Variants in LMO3 observed in about 807,000 individuals in gnomAD.
LMO3 encodes the protein LIM domain only 3.
In LMO3, 2 loss-of-function variants were observed where a neutral mutation model predicts 15.8. The ratio of observed to expected loss-of-function variants is 0.13; its 90% confidence interval spans 0.05 to 0.40. LMO3 has a LOEUF of 0.40. Ranked by LOEUF, LMO3 falls within the 10% of genes least tolerant of loss-of-function variation. LMO3 has a pLI of 0.99. For synonymous variants in LMO3, 62 were observed against 63.8 expected (o/e 0.97, Z 0.13); for missense variants, 86 against 182.2 (o/e 0.47, Z 3.04).
At chr12:16,573,426 CGT>C (rs1301974670) in intron 2 of LMO3, 1 of 152,074 alleles carries the variant, frequency 6.6e-6, no homozygotes, top group Non-Finnish European at 1.5e-5. Context: ...TATTTGAACG[CGT>C]GTGTGCGTGT....
chr12:16,594,732 A>G (rs1043816293), intron 2 of LMO3, among the ~76,000 whole-genome samples: 3 of 151,660 alleles, frequency 2.0e-5, no homozygotes, highest in Non-Finnish European at 4.4e-5. Flanking sequence ...GAGGCAGAAA[A>G]TGGAACTACA....
At chr12:16,554,007 A>AT (rs1942090746) in intron 3 of LMO3, among the ~76,000 whole-genome samples, 1 of 152,184 alleles carries the variant, frequency 6.6e-6, no homozygotes. Flanking sequence ...AGTTCAATTA[A>AT]TTTTACCCTC....
intron 2 of LMO3, among the ~76,000 whole-genome samples, chr12:16,588,011 G>A (rs112754727): frequency 5.3e-5 from 8 of 152,090 alleles, no homozygotes; most frequent in Non-Finnish European, 7.4e-5. Context: ...TTTCTCTTAC[G>A]ACTTCTTTCC....
chr12:16,579,031 C>G (rs1295193675), intron 2 of LMO3, among the ~76,000 whole-genome samples: 1 of 152,110 alleles, frequency 6.6e-6, no homozygotes, highest in Non-Finnish European at 1.5e-5. Context: ...CAGACTGTAT[C>G]ATTGCAAATA....
In LMO3 at chr12:16,585,557, A is replaced by G. The variant is rs2137573639; in HGVS notation, c.206+15098T>C. Among the ~76,000 whole-genome samples the G allele has an allele frequency of 6.6e-6, 1 of 152,220 alleles. No homozygotes were observed. The highest frequency in any genetic ancestry group is 1.9e-4 in the East Asian group (1 of 5,176). On this transcript the variant is annotated intron_variant, in intron 2 of 3. Coordinates refer to ENST00000537304, the MANE Select transcript of LMO3 (RefSeq NM_018640.5). This position sits in a 1 kb window ranked among gnomAD's most constrained non-coding sequence, Gnocchi z 4.7. ...TTCATCACAATCTCCCCTTTCCTAA[A>G]TTCCTCTCACTCAGCTATCTGAGCA...
intron 2 of LMO3, among the ~76,000 whole-genome samples, chr12:16,578,440 T>G (rs1211787229): frequency 6.6e-6 from 1 of 152,152 alleles, no homozygotes; most frequent in Non-Finnish European, 1.5e-5. Flanking sequence ...AAGAAGCAGT[T>G]GTGCTCTCTT....
In LMO3 at chr12:16,570,241, C is replaced by T. The variant is rs189985100; in HGVS notation, c.207-9703G>A. Among the ~76,000 whole-genome samples the T allele has an allele frequency of 5.4e-3, 821 of 152,168 alleles. 6 individuals are homozygous for T. Among genetic ancestry groups the T allele is most frequent in the Non-Finnish European group, 7.0e-3 (475 of 67,976 alleles). ...GGTGAAACTTTTTATGTAAGTAATACTTTCCTAAAAATCGGCATTGAAGTC... is the reference window on the plus strand; with the variant it reads ...GGTGAAACTTTTTATGTAAGTAATATTTTCCTAAAAATCGGCATTGAAGTC... On this transcript the variant is annotated intron_variant, in intron 2 of 3. Transcript: ENST00000537304.
In LMO3 at chr12:16,562,331, A is replaced by T. The variant is rs961307545; in HGVS notation, c.207-1793T>A. On this transcript the variant is annotated intron_variant, in intron 2 of 3. Coordinates refer to ENST00000537304, the MANE Select transcript of LMO3 (RefSeq NM_018640.5). ...TTTTGAGAAATAAGAAAAACTTAAA[A>T]GTTCTTTATTCAATGAATATAGATA... Among the ~76,000 whole-genome samples the T allele has an allele frequency of 2.6e-5, 4 of 152,328 alleles. No homozygotes were observed. In the East Asian group the frequency reaches 7.7e-4, roughly 29 times the overall value.
At position 16,604,659 on chromosome 12, in the gene LMO3, CA is replaced by C. The variant is rs1943930277; in HGVS notation, c.-9+1406del. 3.3e-6 allele frequency: 2 copies of C among 602,754 alleles called. No individual in the cohort carries two copies. Among genetic ancestry groups the C allele is most frequent in the African/African-American group, 3.7e-5 (2 of 53,986 alleles). The allele number at this position is 602,754 out of a possible 1,614,324, so 37.3% of individuals were successfully genotyped here. ...TTGTGGTTGTGTCTTTGCAGCCACA[CA>C]GGGATGGTTTGCAAAGAATGTAGCA... is the stretch of plus-strand genomic sequence containing the variant. On this transcript the variant is annotated intron_variant, in intron 1 of 3. Transcript: ENST00000537304. This position sits in a 1 kb window ranked among gnomAD's most constrained non-coding sequence, Gnocchi z 5.3.
At chr12:16,567,860 C>T (rs191934283) in intron 2 of LMO3, among the ~76,000 whole-genome samples, 2 of 152,130 alleles carry the variant, frequency 1.3e-5, no homozygotes, top group South Asian at 4.1e-4. Flanking sequence ...GCAGTGGGTG[C>T]TCAAGCCCAC....
chr12:16,560,413 C>T lies in LMO3; in HGVS notation c.332G>A (p.Arg111Lys). Reference protein sequence around the residue: ...DCFACQLCNQRFCVGDKFFLK... With the variant: ...DCFACQLCNQKFCVGDKFFLK... ...AGAGACCAAAAAGAGACCTGCTTAC[C>T]TCTGATTACAAAGCTGACATGCAAA... The change falls in exon 3 of 4, where the codon AGA becomes AAA. Residue 111 changes from arginine (R) to lysine (K), a missense_variant and splice_region_variant. Coordinates refer to ENST00000537304, the MANE Select transcript of LMO3 (RefSeq NM_018640.5). The surrounding 1 kb of genome is among the most constrained non-coding windows in gnomAD (Gnocchi z 5.0). 1 of 1,612,948 alleles carries T rather than the reference C, an allele frequency of 6.2e-7. No individual in the cohort carries two copies. Among genetic ancestry groups the T allele is most frequent in the Non-Finnish European group, 8.5e-7 (1 of 1,179,440 alleles).
rs1943191783 is a variant in LMO3 at position 16,582,460 on chromosome 12, G to T, written c.206+18195C>A. 6.6e-6 allele frequency among the ~76,000 whole-genome samples: 1 copy of T among 152,288 alleles called. No individual in the cohort carries two copies. Among genetic ancestry groups the T allele is most frequent in the Non-Finnish European group, 1.5e-5 (1 of 68,018 alleles). On this transcript the variant is annotated intron_variant, in intron 2 of 3. Transcript: ENST00000537304. This position sits in a 1 kb window ranked among gnomAD's most constrained non-coding sequence, Gnocchi z 4.1. ...ATTGTCTTTATCAGGTCAAGGTACT[G>T]TATTAGAGTTATGTTAGTTTTGCAT...
Position 16,601,221 on chromosome 12 carries a change from C to T in LMO3, c.-8-353G>A, listed in dbSNP as rs138888860. Among the ~76,000 whole-genome samples, 783 of 152,280 alleles carry T rather than the reference C, an allele frequency of 5.1e-3. 5 individuals are homozygous for T. Among genetic ancestry groups the T allele is most frequent in the African/African-American group, 0.018 (737 of 41,570 alleles). On this transcript the variant is annotated intron_variant, in intron 1 of 3. Transcript: ENST00000537304. ...AAAGAAAATGTGAGTAAATAACAAT[C>T]TGAAAAGAAAGCTATTTAACAAATT...
In LMO3 at chr12:16,561,531, G is replaced by A. The variant is rs568716498; in HGVS notation, c.207-993C>T. ...AAATTAAAAGCAGTTCTAAACTAAT[G>A]AATTCAAAGGTGCTATAGAGAAAAC... On this transcript the variant is annotated intron_variant, in intron 2 of 3. Transcript: ENST00000537304. 2.0e-4 allele frequency among the ~76,000 whole-genome samples: 30 copies of A among 152,240 alleles called. No individual in the cohort carries two copies. In the East Asian group the frequency reaches 4.2e-3, roughly 22 times the overall value.
rs113700034 is a variant in LMO3 at position 16,596,413 on chromosome 12, C to G, written c.206+4242G>C. ...CTATAAGCAGCTTCCATGGCACATA[C>G]CACAGCAAACAGCTTTGAATAAACT... On this transcript the variant is annotated intron_variant, in intron 2 of 3. Transcript: ENST00000537304. This position sits in a 1 kb window ranked among gnomAD's most constrained non-coding sequence, Gnocchi z 4.3. Among the ~76,000 whole-genome samples, 2 of 151,530 alleles carry G rather than the reference C, an allele frequency of 1.3e-5. No homozygotes were observed. Among genetic ancestry groups the G allele is most frequent in the Non-Finnish European group, 3.0e-5 (2 of 67,602 alleles).
At position 16,593,417 on chromosome 12, in the gene LMO3, T is replaced by C. The variant is rs1309905202; in HGVS notation, c.206+7238A>G. Among the ~76,000 whole-genome samples the C allele has an allele frequency of 1.3e-5, 2 of 151,964 alleles. No homozygotes were observed. Among genetic ancestry groups the C allele is most frequent in the East Asian group, 3.9e-4 (2 of 5,182 alleles). On this transcript the variant is annotated intron_variant, in intron 2 of 3. Coordinates refer to ENST00000537304, the MANE Select transcript of LMO3 (RefSeq NM_018640.5). This position sits in a 1 kb window ranked among gnomAD's most constrained non-coding sequence, Gnocchi z 4.2. ...CAGGGATTTGACTATTCCAAGATGA[T>C]TATTCATCTCAAGTGTGATTTCATT... is the stretch of plus-strand genomic sequence containing the variant.
At chr12:16,574,270 C>A (rs1942923891) in intron 2 of LMO3, among the ~76,000 whole-genome samples, 1 of 152,000 alleles carries the variant, frequency 6.6e-6, no homozygotes, top group Non-Finnish European at 1.5e-5. Flanking sequence ...CTCTTTAAAC[C>A]TTTTATTTTT....
rs1933148144 is a variant in LMO3, at chr12:16,582,950, T to C, written c.206+17705A>G. 6.7e-6 allele frequency among the ~76,000 whole-genome samples: 1 copy of C among 149,980 alleles called. No homozygotes were observed. The highest frequency in any genetic ancestry group is 2.5e-5 in the African/African-American group (1 of 40,606). On this transcript the variant is annotated intron_variant, in intron 2 of 3. Transcript: ENST00000537304. This position sits in a 1 kb window ranked among gnomAD's most constrained non-coding sequence, Gnocchi z 4.1. The stretch of plus-strand genomic sequence containing the variant: ...TAATCCCAGCTACTCAGGAGGCTAA[T>C]GCAGGAAAATCTCTTGAAGCTGGGA...
rs1158092235 is a variant in LMO3 at position 16,560,993 on chromosome 12, T to G, written c.207-455A>C. ...GTTTGCCATTATTATTAAAAATACATTTATGAAGAAGCCATTTAAATAGTC... is the reference window on the plus strand; with the variant it reads ...GTTTGCCATTATTATTAAAAATACAGTTATGAAGAAGCCATTTAAATAGTC... On this transcript the variant is annotated intron_variant, in intron 2 of 3. Coordinates refer to ENST00000537304, the MANE Select transcript of LMO3 (RefSeq NM_018640.5). This position sits in a 1 kb window ranked among gnomAD's most constrained non-coding sequence, Gnocchi z 5.0. Among the ~76,000 whole-genome samples, 1 of 152,162 alleles carries G rather than the reference T, an allele frequency of 6.6e-6. No homozygotes were observed. Among genetic ancestry groups the G allele is most frequent in the African/African-American group, 2.4e-5 (1 of 41,438 alleles).
Sources: gnomAD v4.1 joint callset for allele counts (sites outside exome capture counted in the v4.1 genomes callset) on GRCh38, gnomAD v4.1.1 for gene constraint, Gnocchi (gnomAD v3.1) non-coding constraint, MANE v1.5 for transcripts, NCBI Gene and HGNC (gene_info 2026-07-23, HGNC 2026-07-21) for gene names.